The following SH3RF1 variants were observed in gnomAD, a reference collection of about 807,000 sequenced individuals.
SH3RF1 encodes the protein E3 ubiquitin-protein ligase SH3RF1.
In SH3RF1, 32 loss-of-function variants were observed where a neutral mutation model predicts 74.0. The ratio of observed to expected loss-of-function variants is 0.43; its 90% CI spans 0.33 to 0.58. The LOEUF (loss-of-function observed/expected upper bound fraction) is 0.58. SH3RF1 is among the 20% of genes least tolerant of loss of function. SH3RF1 has a pLI of 0.05. For missense variants in SH3RF1, 954 were observed against 1,130.9 expected, an observed-to-expected ratio of 0.84 and a Z score of 2.24; for synonymous variants, 396 against 439.6, an observed-to-expected ratio of 0.90 and a Z score of 1.24.
chr4:169,144,767 T>C (rs1024170957), intron 4 of SH3RF1, among the ~76,000 whole-genome samples: 6 of 152,132 alleles, frequency 3.9e-5, no homozygotes, highest in Non-Finnish European at 5.9e-5. Context: ...ACTGATTTTT[T>C]TTTTTAAGGA....
At chr4:169,134,909 G>A (rs555409493) in intron 5 of SH3RF1, among the ~76,000 whole-genome samples, 6 of 152,250 alleles carry the variant, frequency 3.9e-5, no homozygotes, top group South Asian at 2.1e-4. Flanking sequence ...TGCGTTGTGC[G>A]TGTCTTTATT....
At chr4:169,149,983 T>C (rs1733949671) in intron 4 of SH3RF1, among the ~76,000 whole-genome samples, 1 of 152,170 alleles carries the variant, frequency 6.6e-6, no homozygotes, top group South Asian at 2.1e-4. Context: ...AACACAGACA[T>C]TACCTTCCAA....
At chr4:169,128,154 G>A (rs937875795) in intron 6 of SH3RF1, among the ~76,000 whole-genome samples, 1 of 152,122 alleles carries the variant, frequency 6.6e-6, no homozygotes, top group African/African-American at 2.4e-5. Context: ...TATCATGCAA[G>A]GCACTCATCT....
intron 11 of SH3RF1, among the ~76,000 whole-genome samples, chr4:169,097,401 G>A (rs1019946073): frequency 6.6e-6 from 1 of 152,122 alleles, no homozygotes; most frequent in Admixed American, 6.5e-5. Context: ...CTATTATTCT[G>A]ACATTTGGGT....
chr4:169,250,209 C>T (rs1731077175), intron 2 of SH3RF1, among the ~76,000 whole-genome samples: 1 of 151,962 alleles, frequency 6.6e-6, no homozygotes, highest in Admixed American at 6.6e-5. Flanking sequence ...AAAGTATGAA[C>T]ACTGAAGTAC....
chr4:169,162,100 T>A (rs561945616), intron 2 of SH3RF1, among the ~76,000 whole-genome samples: 1 of 152,084 alleles, frequency 6.6e-6, no homozygotes, highest in South Asian at 2.1e-4. Flanking sequence ...GAGGTTGCAG[T>A]GAGCCAAGAT....
rs750383598 is a variant in SH3RF1 at position 169,116,592 on chromosome 4, T to C, written c.1816A>G (p.Thr606Ala). Reference sequence around the variant, plus strand: ...GCGGCATTCTGTACCTGGATGGGTGTCACTGCTGCCGTGGGGCGTTCCTGG... The same window carrying C: ...GCGGCATTCTGTACCTGGATGGGTGCCACTGCTGCCGTGGGGCGTTCCTGG... ...HNQERPTAAV[T>A]PIQVQNAAGL... The change falls in exon 10 of 12, where the codon ACA becomes GCA. Residue 606 changes from threonine to alanine, a missense_variant. By Grantham distance (58) the Thr-to-Ala change is moderately conservative. Around this residue, in one of 3 missense-constraint regions of SH3RF1, gnomAD observed 854 missense variants for 962.5 expected, o/e 0.89. Transcript: ENST00000284637. 1.3e-6 allele frequency: 2 copies of C among 1,576,100 alleles called. No individual in the cohort carries two copies. The highest frequency in any genetic ancestry group is 2.3e-5 in the East Asian group (1 of 44,356).
intron 1 of SH3RF1, 98 bp from the exon 2 acceptor site, chr4:169,269,405 A>C (rs1255293208): frequency 6.8e-6 from 4 of 585,754 alleles, no homozygotes; most frequent in Non-Finnish European, 1.2e-5. Flanking sequence ...CCAAAAGTAC[A>C]CTATTCCCTG....
chr4:169,228,150 C>A (rs1730679567), intron 2 of SH3RF1, among the ~76,000 whole-genome samples: 1 of 152,162 alleles, frequency 6.6e-6, no homozygotes, highest in African/African-American at 2.4e-5. Context: ...TAAATGTATA[C>A]CTTCTGCAAG....
chr4:169,206,013 A>T (rs1188515845), intron 2 of SH3RF1, among the ~76,000 whole-genome samples: 6 of 152,232 alleles, frequency 3.9e-5, no homozygotes, highest in African/African-American at 1.4e-4. Flanking sequence ...TTTTTAACTG[A>T]TAGTTTTAAA....
chr4:169,136,683 T>C, intron 4 of SH3RF1, 63 bp from the exon 5 acceptor site: 2 of 1,443,010 alleles, frequency 1.4e-6, no homozygotes, highest in South Asian at 3.3e-5. Flanking sequence ...TTCCCTGAGG[T>C]TTATTTCCAA....
At chr4:169,151,171 G>A (rs936447110) in intron 4 of SH3RF1, among the ~76,000 whole-genome samples, 14 of 152,158 alleles carry the variant, frequency 9.2e-5, no homozygotes, top group East Asian at 1.9e-4. Context: ...TACTACAGGC[G>A]CTGTGCAAAG....
chr4:169,242,217 AT>A (rs1307824629), intron 2 of SH3RF1, among the ~76,000 whole-genome samples: 4 of 152,112 alleles, frequency 2.6e-5, no homozygotes, highest in Admixed American at 6.5e-5. Flanking sequence ...ACCCATTCCA[AT>A]CATTGATCTG....
At chr4:169,112,068 G>A (rs529389435) in intron 10 of SH3RF1, among the ~76,000 whole-genome samples, 1 of 152,260 alleles carries the variant, frequency 6.6e-6, no homozygotes, top group East Asian at 1.9e-4. Context: ...AGAGCAGCTG[G>A]GTACAGAGAA....
intron 2 of SH3RF1, among the ~76,000 whole-genome samples, chr4:169,258,573 G>GA (rs1435081806): frequency 1.3e-5 from 2 of 151,978 alleles, no homozygotes; most frequent in Non-Finnish European, 2.9e-5. Flanking sequence ...AACTGTGGCA[G>GA]AAAAAAAGCA....
chr4:169,161,732 C>T (rs1280778011), intron 2 of SH3RF1, among the ~76,000 whole-genome samples: 1 of 152,210 alleles, frequency 6.6e-6, no homozygotes. Flanking sequence ...AATTTAATAA[C>T]TCAGTTATAT....
At chr4:169,204,260 G>A (rs375404425) in intron 2 of SH3RF1, among the ~76,000 whole-genome samples, 1 of 149,698 alleles carries the variant, frequency 6.7e-6, no homozygotes, top group Admixed American at 6.7e-5. Flanking sequence ...TGTAGTTTAC[G>A]TTTCAGGTGT....
At chr4:169,243,735 A>G (rs1233773120) in intron 2 of SH3RF1, among the ~76,000 whole-genome samples, 1 of 152,218 alleles carries the variant, frequency 6.6e-6, no homozygotes. Flanking sequence ...TGGATATTCA[A>G]GAAGTCTTGC....
intron 2 of SH3RF1, among the ~76,000 whole-genome samples, chr4:169,238,977 C>G (rs1350127227): frequency 6.6e-6 from 1 of 151,772 alleles, no homozygotes; most frequent in Non-Finnish European, 1.5e-5. Context: ...CCCCCCCACC[C>G]CTTGCCCTTT....
Sources: gnomAD v4.1 joint callset for allele counts (sites outside exome capture counted in the v4.1 genomes callset) on GRCh38, gnomAD v4.1.1 for gene constraint, gnomAD v4.1.1 regional missense constraint, MANE v1.5 for transcripts, NCBI Gene and HGNC (gene_info 2026-07-23, HGNC 2026-07-21) for gene names.